The following TRIP11 variants were observed in gnomAD, a reference collection of about 807,000 sequenced individuals.
TRIP11 encodes the protein thyroid hormone receptor interactor 11, also known as thyroid receptor-interacting protein 11.
In TRIP11, 148 loss-of-function variants were observed where a neutral mutation model predicts 223.1. That is an observed-to-expected ratio of 0.66 (90% confidence interval 0.58 to 0.76). TRIP11 has a LOEUF of 0.76. Among genes scored for constraint, TRIP11 ranks in the 30% least tolerant of loss-of-function variants. The probability of loss-of-function intolerance (pLI) is 0.00; values close to 1 mark genes in which losing one functional copy is unlikely to be tolerated. For synonymous variants in TRIP11, 762 were observed against 772.6 expected (o/e 0.99, Z 0.23); for missense variants, 2,043 against 2,222.0 (o/e 0.92, Z 1.62).
In TRIP11 at chr14:92,011,902, C is replaced by T. The variant is rs1031775943; in HGVS notation, c.1187-107G>A. Reference sequence around the variant, plus strand: ...CCAATTAAAGTGTATATAAGCACCACTGGCAAGCAGTAACAGTTCTGAGTG... The same window carrying T: ...CCAATTAAAGTGTATATAAGCACCATTGGCAAGCAGTAACAGTTCTGAGTG... On this transcript the variant is annotated intron_variant, in intron 7 of 20. Transcript: ENST00000267622. The T allele has an allele frequency of 3.1e-6, 3 of 954,694 alleles. No homozygotes were observed. The African/African-American group carries it at 4.9e-5, about 15-fold the overall frequency. 59.1% of individuals were successfully genotyped at this position (954,694 alleles called of 1,614,324 possible).
rs1408652730 is a variant in TRIP11, at chr14:91,995,410, T to C, written c.4998A>G (p.Val1666=). 5 of 1,614,122 alleles carry C rather than the reference T, an allele frequency of 3.1e-6. No homozygotes were observed. Among genetic ancestry groups the C allele is most frequent in the Middle Eastern group, 1.7e-4 (1 of 6,032 alleles). Residue 1666 remains valine, a synonymous_variant, in exon 14 of 21, where the codon GTA becomes GTG. Coordinates refer to ENST00000267622, the MANE Select transcript of TRIP11 (RefSeq NM_004239.4). ...ALQLSVSQEQ[V]KQYALSLANL... ...TGGCCAGTGACAGAGCATACTGCTTTACTTGTTCCTGAGAGACAGAAAGCT... is the reference window on the plus strand; with the variant it reads ...TGGCCAGTGACAGAGCATACTGCTTCACTTGTTCCTGAGAGACAGAAAGCT...
At chr14:92,025,757 G>C (rs1035852973) in intron 2 of TRIP11, among the ~76,000 whole-genome samples, 1 of 151,802 alleles carries the variant, frequency 6.6e-6, no homozygotes, top group Non-Finnish European at 1.5e-5. Flanking sequence ...GCGTGTGCCC[G>C]TAATCCCAGC....
rs573005494 is a variant in TRIP11 at position 92,004,402 on chromosome 14, T to C, written c.3574A>G (p.Thr1192Ala). The change falls in exon 11 of 21, where the codon ACT becomes GCT. Residue 1192 changes from threonine (T) to alanine (A), a missense_variant. Thr to Ala is a moderately conservative substitution (Grantham distance 58). Transcript: ENST00000267622. ...TLLAVLQTSS[T>A]GNEAGGVNSN... ...TTAACACCTCCAGCCTCATTACCAG[T>C]GCTGGATGTTTGTAAAACTGCCAAT... 1 of 1,614,094 alleles carries C rather than the reference T, an allele frequency of 6.2e-7. No homozygotes were observed. Among genetic ancestry groups the C allele is most frequent in the East Asian group, 2.2e-5 (1 of 44,882 alleles).
chr14:91,977,128 T>C, intron 16 of TRIP11: 1 of 405,902 alleles, frequency 2.5e-6, no homozygotes, highest in Non-Finnish European at 4.9e-6. Context: ...CCACAAACCT[T>C]TTCCTTTGAA....
chr14:92,033,857 G>GTT (rs1555389596), intron 1 of TRIP11, among the ~76,000 whole-genome samples: 1 of 152,068 alleles, frequency 6.6e-6, no homozygotes, highest in East Asian at 1.9e-4. Flanking sequence ...TTGTGTATTT[G>GTT]TTCCATTTAT....
At chr14:91,994,628 A>G (rs2056725033) in intron 14 of TRIP11, among the ~76,000 whole-genome samples, 1 of 152,260 alleles carries the variant, frequency 6.6e-6, no homozygotes, top group African/African-American at 2.4e-5. Context: ...GCATAAAACT[A>G]CAAGTCCTTG....
intron 9 of TRIP11, among the ~76,000 whole-genome samples, chr14:92,010,311 A>C (rs2056955514): frequency 1.3e-5 from 2 of 152,096 alleles, no homozygotes; most frequent in Admixed American, 1.3e-4. Flanking sequence ...TGGGCAGATC[A>C]CCTGAGGTCG....
chr14:92,029,919 C>T (rs1476365810), intron 2 of TRIP11, among the ~76,000 whole-genome samples: 1 of 149,936 alleles, frequency 6.7e-6, no homozygotes, highest in Non-Finnish European at 1.5e-5. Context: ...ATGAGTGGGC[C>T]GGGCGCGGTG....
intron 11 of TRIP11, 146 bp downstream of exon 11, chr14:92,003,273 T>G: frequency 1.7e-6 from 2 of 1,188,140 alleles, no homozygotes; most frequent in South Asian, 1.5e-5. Context: ...TGAGGAAAAT[T>G]TACTTAGAAT....
At chr14:92,010,554 T>C (rs1319863056) in intron 9 of TRIP11, among the ~76,000 whole-genome samples, 1 of 151,952 alleles carries the variant, frequency 6.6e-6, no homozygotes, top group Non-Finnish European at 1.5e-5. Flanking sequence ...ATAGAACTTC[T>C]TTCTACCACT....
rs77189840 is a variant in TRIP11, at chr14:91,972,456, G to T, written c.5719+261C>A. Among the ~76,000 whole-genome samples the T allele has an allele frequency of 0.012, 1,866 of 152,176 alleles. 40 individuals are homozygous for T. The highest frequency in any genetic ancestry group is 0.041 in the African/African-American group (1,701 of 41,502). ...CATAGCTGGTTAGGCAGACAGAGAA[G>T]AATTATTCTGATATACAAAGGGAAT... On this transcript the variant is annotated intron_variant, in intron 20 of 20. Coordinates refer to ENST00000267622, the MANE Select transcript of TRIP11 (RefSeq NM_004239.4).
At chr14:91,992,947 T>C (rs1408677726) in intron 15 of TRIP11, among the ~76,000 whole-genome samples, 78 of 138,318 alleles carry the variant, frequency 5.6e-4, no homozygotes, top group African/African-American at 2.0e-3. Flanking sequence ...AAAAGACAAG[T>C]TTCTCCTAAA....
chr14:92,037,450 A>G lies in TRIP11; in HGVS notation c.139+2097T>C, dbSNP rs1480549620. On this transcript the variant is annotated intron_variant, in intron 1 of 20. Transcript: ENST00000267622. This position sits in a 1 kb window ranked among gnomAD's most constrained non-coding sequence, Gnocchi z 4.2. ...TTTCTGGGTGAAGGAGGAAATAGAGAAGAAAGGGCTTTCCATGTAGAGGCT... is the reference window on the plus strand; with the variant it reads ...TTTCTGGGTGAAGGAGGAAATAGAGGAGAAAGGGCTTTCCATGTAGAGGCT... 1.3e-5 allele frequency among the ~76,000 whole-genome samples: 2 copies of G among 152,218 alleles called. No individual in the cohort carries two copies. Among genetic ancestry groups the G allele is most frequent in the East Asian group, 1.9e-4 (1 of 5,202 alleles).
intron 1 of TRIP11, among the ~76,000 whole-genome samples, chr14:92,035,589 T>TTTA (rs2057316782): frequency 6.7e-6 from 1 of 148,588 alleles, no homozygotes; most frequent in African/African-American, 2.5e-5. Context: ...TTATTTATTT[T>TTTA]TTTTTTGAGA....
intron 9 of TRIP11, among the ~76,000 whole-genome samples, chr14:92,010,741 C>T (rs946689410): frequency 2.6e-5 from 4 of 151,850 alleles, no homozygotes; most frequent in African/African-American, 9.7e-5. Context: ...AGGACCTCCA[C>T]CTATCTTTTC....
chr14:92,011,697 G>A, intron 8 of TRIP11, 58 bp downstream of exon 8: 1 of 1,394,416 alleles, frequency 7.2e-7, no homozygotes, highest in Non-Finnish European at 1.0e-6. Flanking sequence ...TTTCTCACTT[G>A]GTATAGGATC....
In TRIP11 at chr14:92,038,120, GAAA is replaced by G. The variant is rs2057343356; in HGVS notation, c.139+1424_139+1426del. ...TCATGACCAACTGGAAGTAGGAGAT[GAAA>G]AAAGACATAAAACAAGGACACGAAG... On this transcript the variant is annotated intron_variant, in intron 1 of 20. Transcript: ENST00000267622. Among the ~76,000 whole-genome samples, 3 of 152,196 alleles carry G rather than the reference GAAA, an allele frequency of 2.0e-5. No homozygotes were observed. In the South Asian group the frequency reaches 6.2e-4, roughly 32 times the overall value.
In TRIP11 at chr14:92,029,115, T is replaced by C. The variant is rs557680022; in HGVS notation, c.202-3695A>G. ...CTTGTATTTTCTGTATCTTAAAACA[T>C]TTGGCTCTTTTACTATCATGGGAAT... On this transcript the variant is annotated intron_variant, in intron 2 of 20. Coordinates refer to ENST00000267622, the MANE Select transcript of TRIP11 (RefSeq NM_004239.4). 2.6e-5 allele frequency among the ~76,000 whole-genome samples: 4 copies of C among 152,212 alleles called. No homozygotes were observed. In the South Asian group the frequency reaches 8.3e-4, roughly 32 times the overall value.
chr14:92,015,606 C>G, intron 6 of TRIP11, 90 bp downstream of exon 6: 2 of 1,137,750 alleles, frequency 1.8e-6, no homozygotes, highest in Non-Finnish European at 2.5e-6. Context: ...TGCAGTGAGC[C>G]GAGATCGCGC....
Sources: gnomAD v4.1 joint callset for allele counts (sites outside exome capture counted in the v4.1 genomes callset) on GRCh38, gnomAD v4.1.1 for gene constraint, Gnocchi (gnomAD v3.1) non-coding constraint, MANE v1.5 for transcripts, NCBI Gene and HGNC (gene_info 2026-07-23, HGNC 2026-07-21) for gene names.